PCSK5: variants seen among roughly 807,000 people sequenced by gnomAD.
PCSK5 encodes prohormone convertase 5.
PCSK5 carries 129 observed loss-of-function variants against 233.2 expected under a neutral mutation model. The ratio of observed to expected loss-of-function variants is 0.55; its 90% confidence interval spans 0.48 to 0.64. The LOEUF (loss-of-function observed/expected upper bound fraction) is 0.64. Ranked by LOEUF, PCSK5 falls within the 30% of genes least tolerant of loss-of-function variation. The pLI, the probability that PCSK5 is intolerant of heterozygous loss-of-function variation, is 0.00. For missense variants in PCSK5, 2,076 were observed against 2,430.1 expected (o/e 0.85, Z 3.06); for synonymous variants, 825 against 879.2 (o/e 0.94, Z 1.09).
intron 7 of PCSK5, among the ~76,000 whole-genome samples, chr9:76,082,135 T>A (rs141653490): frequency 6.6e-6 from 1 of 152,328 alleles, no homozygotes; most frequent in African/African-American, 2.4e-5. Flanking sequence ...TTGTCAGTTT[T>A]GCCAGGGTCT....
At chr9:76,059,050 A>T (rs1160788932) in intron 5 of PCSK5, among the ~76,000 whole-genome samples, 2 of 152,234 alleles carry the variant, frequency 1.3e-5, no homozygotes, top group Non-Finnish European at 2.9e-5. Flanking sequence ...TGCAGTGAAT[A>T]TTAAATAGCA....
intron 5 of PCSK5, among the ~76,000 whole-genome samples, chr9:76,031,766 G>A (rs1472931872): frequency 6.6e-6 from 1 of 152,126 alleles, no homozygotes; most frequent in East Asian, 1.9e-4. Context: ...CATAATAGAT[G>A]CTACATAATT....
At chr9:75,919,056 A>C (rs1823127741) in intron 1 of PCSK5, among the ~76,000 whole-genome samples, 1 of 152,160 alleles carries the variant, frequency 6.6e-6, no homozygotes, top group South Asian at 2.1e-4. Context: ...TGTAGCCACC[A>C]CCATAAGAAA....
chr9:75,965,596 T>C (rs1456656810), intron 2 of PCSK5, among the ~76,000 whole-genome samples: 2 of 152,198 alleles, frequency 1.3e-5, no homozygotes, highest in African/African-American at 2.4e-5. Context: ...ACATTGGGGA[T>C]GGCAATTCAT....
At chr9:76,163,952 T>C (rs1021461276) in intron 12 of PCSK5, among the ~76,000 whole-genome samples, 2 of 150,810 alleles carry the variant, frequency 1.3e-5, no homozygotes, top group African/African-American at 2.4e-5. Context: ...TTGGCCTCGA[T>C]TGAAAGGTGA....
At chr9:75,904,899 ACTGT>A (rs1826193141) in intron 1 of PCSK5, among the ~76,000 whole-genome samples, 1 of 152,176 alleles carries the variant, frequency 6.6e-6, no homozygotes, top group Admixed American at 6.6e-5. Flanking sequence ...AAACAATCCA[ACTGT>A]CTATCAACGG....
chr9:76,020,273 A>G (rs1276639103), intron 3 of PCSK5, among the ~76,000 whole-genome samples: 1 of 152,194 alleles, frequency 6.6e-6, no homozygotes, highest in African/African-American at 2.4e-5. Context: ...CGGTTAAGGA[A>G]ATGAACTCAT....
intron 1 of PCSK5, among the ~76,000 whole-genome samples, chr9:75,916,970 A>G (rs1343437410): frequency 6.6e-6 from 1 of 152,024 alleles, no homozygotes; most frequent in Non-Finnish European, 1.5e-5. Context: ...GGAGTTCGAG[A>G]CCAGCCTGAC....
chr9:76,166,254 A>C (rs1342176721), intron 12 of PCSK5, among the ~76,000 whole-genome samples: 2 of 152,202 alleles, frequency 1.3e-5, no homozygotes, highest in East Asian at 3.9e-4. Context: ...ATTAATGAAC[A>C]TTCCAACTCT....
chr9:76,133,182 A>C (rs1344180127), intron 9 of PCSK5, among the ~76,000 whole-genome samples: 1 of 152,090 alleles, frequency 6.6e-6, no homozygotes, highest in African/African-American at 2.4e-5. Flanking sequence ...AAATGGCTGC[A>C]CATGCTGCAT....
chr9:76,083,204 CAAAAAAAAAA>C (rs11324176), intron 7 of PCSK5, among the ~76,000 whole-genome samples: 4 of 75,462 alleles, frequency 5.3e-5, no homozygotes, highest in Non-Finnish European at 7.6e-5. Flanking sequence ...AGCGAGATCT[CAAAAAAAAAA>C]AAAAAAAAAA....
chr9:76,213,858 G>T (rs980852756), intron 20 of PCSK5, among the ~76,000 whole-genome samples: 1 of 151,906 alleles, frequency 6.6e-6, no homozygotes, highest in Admixed American at 6.6e-5. Context: ...TGCTTTCCTT[G>T]TCTCTCTCTG....
At chr9:75,989,514 A>G (rs1252807186) in intron 3 of PCSK5, among the ~76,000 whole-genome samples, 1 of 151,232 alleles carries the variant, frequency 6.6e-6, no homozygotes, top group Non-Finnish European at 1.5e-5. Flanking sequence ...AAAAACAATT[A>G]TCTCATAGAT....
At chr9:76,043,809 C>T (rs986293037) in intron 5 of PCSK5, among the ~76,000 whole-genome samples, 1 of 152,124 alleles carries the variant, frequency 6.6e-6, no homozygotes, top group Non-Finnish European at 1.5e-5. Context: ...TGGGCTCAAG[C>T]AATCCACCGG....
Position 75,891,081 on chromosome 9 carries a change from G to C in PCSK5, c.-101G>C. 1 of 1,145,054 alleles carries C rather than the reference G, an allele frequency of 8.7e-7. No individual in the cohort carries two copies. The highest frequency in any genetic ancestry group is 1.1e-6 in the Non-Finnish European group (1 of 877,472). The allele number at this position is 1,145,054 out of a possible 1,614,324, so 70.9% of individuals were successfully genotyped here. ...CCGGGGCTGCGAGCTGCGGCGGCCC[G>C]GGGCTGCTCGCCGGGCGGCGCAGGC... On this transcript the variant is annotated 5_prime_UTR_variant, in exon 1 of 38. Coordinates refer to ENST00000674117, the MANE Select transcript of PCSK5 (RefSeq NM_001372043.1).
chr9:76,350,896 G>C lies in PCSK5; in HGVS notation c.5035G>C (p.Asp1679His). 1 of 1,607,986 alleles carries C rather than the reference G, an allele frequency of 6.2e-7. No homozygotes were observed. The highest frequency in any genetic ancestry group is 8.5e-7 in the Non-Finnish European group (1 of 1,175,980). Residue 1679 changes from aspartate to histidine, a missense_variant, in exon 36 of 38, where the codon GAC becomes CAC. Physicochemically the swap from Asp to His is moderately conservative, Grantham distance 81 (BLOSUM62 -1). Around this residue, in one of 6 missense-constraint regions of PCSK5, gnomAD observed 1,510 missense variants for 1,538.1 expected, o/e 0.98. Coordinates refer to ENST00000674117, the MANE Select transcript of PCSK5 (RefSeq NM_001372043.1). ...CCTCATGGGAGGGATCTGCACCTCG[G>C]ACTGTCTTGTGGGGGAATACAGAGT... ...YHLMGGICTS[D>H]CLVGEYRVGE...
intron 5 of PCSK5, among the ~76,000 whole-genome samples, chr9:76,033,548 C>G (rs1216290997): frequency 6.6e-6 from 1 of 151,718 alleles, no homozygotes; most frequent in Non-Finnish European, 1.5e-5. Flanking sequence ...ATGTACATTA[C>G]TAGAGGCTTA....
chr9:75,962,895 G>GGA, intron 2 of PCSK5, among the ~76,000 whole-genome samples: 1 of 152,184 alleles, frequency 6.6e-6, no homozygotes, highest in South Asian at 2.1e-4. Context: ...GACACTGTGT[G>GGA]TGTGTTGGTT....
rs1587367001 is a variant in PCSK5 at position 76,351,457 on chromosome 9, A to AAAG, written c.5067+532_5067+534dup. On this transcript the variant is annotated intron_variant, in intron 36 of 37. Transcript: ENST00000674117. ...GCAATGTGAAAGAAAGGAAAGAAAGAAAGAAAGAAAGAAAGAAAGAAAGAA... is the reference window on the plus strand; with the variant it reads ...GCAATGTGAAAGAAAGGAAAGAAAGAAAGAAGAAAGAAAGAAAGAAAGAAAGAA... 2.9e-4 allele frequency among the ~76,000 whole-genome samples: 3 copies of AAAG among 10,266 alleles called. 1 individual carries two copies. The highest frequency in any genetic ancestry group is 4.3e-4 in the Non-Finnish European group (2 of 4,624). The allele number at this position is 10,266 out of a possible 152,430, so 6.7% of individuals were successfully genotyped here.
Sources: allele counts gnomAD v4.1 joint callset (sites outside exome capture counted in the v4.1 genomes callset), GRCh38; gene constraint gnomAD v4.1.1; regional missense constraint gnomAD v4.1.1; transcripts MANE v1.5; gene names NCBI Gene and HGNC (gene_info 2026-07-23, HGNC 2026-07-21).